The following SYT1 variants were observed in gnomAD, a reference collection of about 807,000 sequenced individuals.
SYT1 encodes the protein synaptotagmin 1.
Under a neutral mutation model 44.8 loss-of-function variants are expected in SYT1, and 8 were observed. The observed-to-expected ratio is 0.18, with a 90% CI of 0.10 to 0.32. The LOEUF (loss-of-function observed/expected upper bound fraction) is 0.32. SYT1 is among the 10% of genes least tolerant of loss of function. SYT1 has a pLI of 1.00. For synonymous variants in SYT1, 154 were observed against 188.8 expected, an observed-to-expected ratio of 0.82 and a Z score of 1.51; for missense variants, 286 against 509.3, an observed-to-expected ratio of 0.56 and a Z score of 4.22.
chr12:79,252,008 A>ATAGATAGG (rs1167457385), intron 4 of SYT1, among the ~76,000 whole-genome samples: 1 of 151,884 alleles, frequency 6.6e-6, no homozygotes, highest in Admixed American at 6.6e-5. Context: ...AGATAGATAG[A>ATAGATAGG]TAATATATAG....
At chr12:79,347,573 GA>G (rs1882666535) in intron 8 of SYT1, among the ~76,000 whole-genome samples, 1 of 152,144 alleles carries the variant, frequency 6.6e-6, no homozygotes, top group African/African-American at 2.4e-5. Flanking sequence ...ACCTCATGTT[GA>G]AAATCTGCCT....
chr12:79,079,594 G>A lies in SYT1; in HGVS notation c.-18+32232G>A, dbSNP rs1032125687. Among the ~76,000 whole-genome samples the A allele has an allele frequency of 1.6e-4, 25 of 152,050 alleles. No homozygotes were observed. In the East Asian group the frequency reaches 4.2e-3, roughly 26 times the overall value. ...ATTAATGTATCAAAGTATGATAGTA[G>A]AAATGACATTTTCAGATATTTGAAT... On this transcript the variant is annotated intron_variant, in intron 3 of 10. Transcript: ENST00000261205.
intron 1 of SYT1, among the ~76,000 whole-genome samples, chr12:78,907,538 C>T (rs1199284097): frequency 2.0e-5 from 3 of 151,924 alleles, no homozygotes; most frequent in Admixed American, 6.6e-5. Context: ...GATTACGTTT[C>T]GGTAATGATT....
intron 9 of SYT1, among the ~76,000 whole-genome samples, chr12:79,404,019 A>G (rs1166552475): frequency 6.6e-6 from 1 of 152,204 alleles, no homozygotes; most frequent in Non-Finnish European, 1.5e-5. Context: ...GTCATATTTT[A>G]TAAGTGAGCC....
intron 4 of SYT1, among the ~76,000 whole-genome samples, chr12:79,266,280 A>C (rs995057251): frequency 2.0e-5 from 3 of 152,228 alleles, no homozygotes; most frequent in African/African-American, 7.2e-5. Flanking sequence ...ACAAAGATTG[A>C]TATATGATAA....
chr12:79,150,805 C>T (rs1271027704), intron 3 of SYT1, among the ~76,000 whole-genome samples: 2 of 152,222 alleles, frequency 1.3e-5, no homozygotes, highest in East Asian at 1.9e-4. Flanking sequence ...TCCTCCATTT[C>T]GAGCAAGTAA....
intron 2 of SYT1, among the ~76,000 whole-genome samples, chr12:78,983,382 G>A (rs1325299310): frequency 6.6e-6 from 1 of 151,976 alleles, no homozygotes; most frequent in East Asian, 1.9e-4. Flanking sequence ...TTCTTATCAT[G>A]AGATTTTTCT....
intron 3 of SYT1, among the ~76,000 whole-genome samples, chr12:79,146,251 C>G (rs1869905622): frequency 6.6e-6 from 1 of 152,170 alleles, no homozygotes; most frequent in Non-Finnish European, 1.5e-5. Context: ...AGACAACACA[C>G]TACTCCGTCC....
At chr12:78,963,123 G>A (rs968756673) in intron 1 of SYT1, among the ~76,000 whole-genome samples, 2 of 151,778 alleles carry the variant, frequency 1.3e-5, no homozygotes, top group African/African-American at 4.8e-5. Flanking sequence ...TCATGTCGCT[G>A]TATATTATAG....
chr12:78,956,964 A>G (rs1350817260), intron 1 of SYT1, among the ~76,000 whole-genome samples: 1 of 152,168 alleles, frequency 6.6e-6, no homozygotes, highest in African/African-American at 2.4e-5. Context: ...AATGCACAGC[A>G]GAGTGAATAT....
intron 9 of SYT1, among the ~76,000 whole-genome samples, chr12:79,361,528 A>G (rs1403273884): frequency 1.3e-5 from 2 of 152,192 alleles, no homozygotes; most frequent in Non-Finnish European, 2.9e-5. Context: ...CTAAAATTCT[A>G]TCATGGAACT....
intron 1 of SYT1, among the ~76,000 whole-genome samples, chr12:78,907,854 G>A (rs1362031734): frequency 6.6e-6 from 1 of 152,000 alleles, no homozygotes; most frequent in Non-Finnish European, 1.5e-5. Context: ...AAATGATCAA[G>A]ATGACTGTTT....
intron 3 of SYT1, among the ~76,000 whole-genome samples, chr12:79,066,026 C>T (rs1875824395): frequency 6.6e-6 from 1 of 151,858 alleles, no homozygotes; most frequent in African/African-American, 2.4e-5. Context: ...ACAGAAAAGA[C>T]CACACACATA....
At chr12:78,935,634 A>T (rs1257002046) in intron 1 of SYT1, among the ~76,000 whole-genome samples, 9 of 152,128 alleles carry the variant, frequency 5.9e-5, no homozygotes. Flanking sequence ...AATAAAATAA[A>T]TAAAATAAAA....
intron 3 of SYT1, among the ~76,000 whole-genome samples, chr12:79,216,387 T>C (rs1874807240): frequency 6.6e-6 from 1 of 152,226 alleles, no homozygotes; most frequent in African/African-American, 2.4e-5. Context: ...ATCATGCCCA[T>C]TCTTTCCTCA....
intron 1 of SYT1, among the ~76,000 whole-genome samples, chr12:78,880,217 T>G (rs1874379121): frequency 6.6e-6 from 1 of 151,736 alleles, no homozygotes; most frequent in South Asian, 2.1e-4. Flanking sequence ...AAATAGTAAT[T>G]AGTCATTACA....
rs139751362 is a variant in SYT1, at chr12:79,332,308, A to G, written c.811-21194A>G. 6.9e-3 allele frequency among the ~76,000 whole-genome samples: 1,054 copies of G among 152,314 alleles called. 49 individuals carry two copies. The highest frequency in any genetic ancestry group is 4.4e-3 in the East Asian group (23 of 5,186). ...ACATCACATTTTCATGCAAAGGACCATTGAATTCCCTAATGATGTTCTGAT... is the reference window on the plus strand; with the variant it reads ...ACATCACATTTTCATGCAAAGGACCGTTGAATTCCCTAATGATGTTCTGAT... On this transcript the variant is annotated intron_variant, in intron 8 of 10. Transcript: ENST00000261205.
intron 1 of SYT1, among the ~76,000 whole-genome samples, chr12:78,951,203 A>G (rs964561446): frequency 1.3e-5 from 2 of 152,082 alleles, no homozygotes; most frequent in Admixed American, 1.3e-4. Flanking sequence ...TTTTTAAACA[A>G]CTATTTTCTT....
intron 6 of SYT1, among the ~76,000 whole-genome samples, chr12:79,293,680 T>C (rs1321914405): frequency 1.3e-5 from 2 of 152,212 alleles, no homozygotes; most frequent in Non-Finnish European, 2.9e-5. Context: ...GTGCTTTATT[T>C]AGGAATTGAC....
Sources: allele counts gnomAD v4.1 joint callset (sites outside exome capture counted in the v4.1 genomes callset), GRCh38; gene constraint gnomAD v4.1.1; transcripts MANE v1.5; gene names NCBI Gene and HGNC (gene_info 2026-07-23, HGNC 2026-07-21).